Variants in SPACA9 observed in about 807,000 individuals in gnomAD.
SPACA9 encodes the protein sperm acrosome-associated protein 9.
A neutral mutation model predicts 12.5 loss-of-function variants in SPACA9; 14 were observed. The observed-to-expected ratio is 1.12, with a 90% CI of 0.74 to 1.75. The LOEUF (loss-of-function observed/expected upper bound fraction) is 1.75, where lower values mean the gene tolerates loss of function less well. SPACA9 is among the 40% of genes most tolerant of loss of function. The pLI is 0.00. For synonymous variants in SPACA9, 111 were observed against 114.1 expected, an observed-to-expected ratio of 0.97 and a Z score of 0.17; for missense variants, 292 against 291.9, an observed-to-expected ratio of 1.00 and a Z score of 0.00.
chr9:132,880,822 C>CTTT (rs900840677), intron 1 of SPACA9, among the ~76,000 whole-genome samples: 1 of 137,744 alleles, frequency 7.3e-6, no homozygotes. Context: ...GTGCAGCTAT[C>CTTT]TTTTTTTTTT....
chr9:132,878,666 C>T (rs1844273036), upstream of SPACA9: 25 of 999,614 alleles, frequency 2.5e-5, no homozygotes, highest in Non-Finnish European at 3.0e-5. This position sits in a 1 kb window ranked among gnomAD's most constrained non-coding sequence, Gnocchi z 4.7. Context: ...AAAACAGACG[C>T]GGGAATAAAT....
At chr9:132,882,958 T>G (rs898513256) in intron 1 of SPACA9, among the ~76,000 whole-genome samples, 1 of 152,246 alleles carries the variant, frequency 6.6e-6, no homozygotes, top group Middle Eastern at 3.4e-3. Context: ...CCATAGCAGC[T>G]CAAGGGAGCT....
At position 132,888,293 on chromosome 9, in the gene SPACA9, C is replaced by T; in HGVS notation, c.351C>T (p.Tyr117=). 6.2e-7 allele frequency: 1 copy of T among 1,606,116 alleles called. No homozygotes were observed. The highest frequency in any genetic ancestry group is 8.5e-7 in the Non-Finnish European group (1 of 1,174,992). ...SNDLSSLRAK[Y]PHDVVNHLSC... ...CTGGCCCCCTGCCGTCCTGCAGATACCCTCATGATGTGGTGAACCACCTCA... is the reference window on the plus strand; with the variant it reads ...CTGGCCCCCTGCCGTCCTGCAGATATCCTCATGATGTGGTGAACCACCTCA... Residue 117 remains tyrosine, a synonymous_variant, in exon 4 of 4, where the codon TAC becomes TAT. Coordinates refer to ENST00000356311, the MANE Select transcript of SPACA9 (RefSeq NM_001316897.2). The surrounding 1 kb of genome is among the most constrained non-coding windows in gnomAD (Gnocchi z 5.0).
chr9:132,879,657 G>A (rs1015069470), intron 1 of SPACA9, among the ~76,000 whole-genome samples: 5 of 152,366 alleles, frequency 3.3e-5, no homozygotes, highest in African/African-American at 9.6e-5. Context: ...AGAACAATGA[G>A]GAGTGGTTGG....
At chr9:132,885,784 A>C (rs1844548653) in intron 2 of SPACA9, among the ~76,000 whole-genome samples, 2 of 152,328 alleles carry the variant, frequency 1.3e-5, no homozygotes, top group Non-Finnish European at 2.9e-5. Context: ...TCCATGCATA[A>C]GGGAGTGGCC....
In SPACA9 at chr9:132,889,920, C is replaced by G. The variant is rs1370911405; in HGVS notation, c.*1309C>G. 7.5e-6 allele frequency: 11 copies of G among 1,464,278 alleles called. No individual in the cohort carries two copies. The highest frequency in any genetic ancestry group is 1.0e-5 in the Non-Finnish European group (11 of 1,099,392). 90.7% of individuals were successfully genotyped at this position (1,464,278 alleles called of 1,614,324 possible). A position where few individuals can be genotyped will look rare whatever the true frequency, so the allele number is the denominator to read the frequency against. ...TGTGTCCCTGGCTTCTGAGCTTGCC[C>G]AAAGTAATGTCTGACTGTTGGTTTT... On this transcript the variant is annotated 3_prime_UTR_variant, in exon 4 of 4. Coordinates refer to ENST00000356311, the MANE Select transcript of SPACA9 (RefSeq NM_001316897.2).
In SPACA9 at chr9:132,888,535, G is replaced by A. The variant is rs2131497093; in HGVS notation, c.593G>A (p.Arg198Lys). Residue 198 changes from arginine to lysine, a missense_variant, in exon 4 of 4, where the codon AGA becomes AAA. Coordinates refer to ENST00000356311, the MANE Select transcript of SPACA9 (RefSeq NM_001316897.2). The surrounding 1 kb of genome is among the most constrained non-coding windows in gnomAD (Gnocchi z 5.0). ...TQPRATKHKC[R>K]QLTKASLKPR... Reference sequence around the variant, plus strand: ...CCCAGGGCCACTAAACACAAGTGTAGACAGCTCACAAAAGCCAGCCTCAAA... The same window carrying A: ...CCCAGGGCCACTAAACACAAGTGTAAACAGCTCACAAAAGCCAGCCTCAAA... The A allele has an allele frequency of 1.3e-6, 2 of 1,563,364 alleles. No homozygotes were observed. The highest frequency in any genetic ancestry group is 2.3e-5 in the South Asian group (2 of 85,764).
chr9:132,880,117 C>T (rs957702437), intron 1 of SPACA9, among the ~76,000 whole-genome samples: 1 of 152,248 alleles, frequency 6.6e-6, no homozygotes, highest in African/African-American at 2.4e-5. Context: ...GTTTGTTTTG[C>T]TTCCTGGACA....
At chr9:132,885,413 T>C (rs1214782843) in intron 2 of SPACA9, among the ~76,000 whole-genome samples, 1 of 145,908 alleles carries the variant, frequency 6.9e-6, no homozygotes, top group Non-Finnish European at 1.5e-5. Flanking sequence ...CTCGGGAGGC[T>C]GAGGCATGAG....
rs769973425 is a variant in SPACA9 at position 132,888,297 on chromosome 9, C to T, written c.355C>T (p.His119Tyr). Residue 119 changes from histidine to tyrosine, a missense_variant, in exon 4 of 4, where the codon CAT (histidine) becomes TAT (tyrosine). Transcript: ENST00000356311. This position sits in a 1 kb window ranked among gnomAD's most constrained non-coding sequence, Gnocchi z 5.0. ...DLSSLRAKYP[H>Y]DVVNHLSCDE... ...CCCCCTGCCGTCCTGCAGATACCCT[C>T]ATGATGTGGTGAACCACCTCAGCTG... is the stretch of plus-strand genomic sequence containing the variant. The T allele has an allele frequency of 7.5e-6, 12 of 1,609,814 alleles. No homozygotes were observed. Among genetic ancestry groups the T allele is most frequent in the Non-Finnish European group, 8.5e-6 (10 of 1,177,620 alleles).
Position 132,888,647 on chromosome 9 carries a change from C to CT in SPACA9, c.*37dup. 1 of 1,488,416 alleles carries CT rather than the reference C, an allele frequency of 6.7e-7. No homozygotes were observed. Among genetic ancestry groups the CT allele is most frequent in the Non-Finnish European group, 8.9e-7 (1 of 1,118,754 alleles). The allele number at this position is 1,488,416 out of a possible 1,614,324, so 92.2% of individuals were successfully genotyped here. A position where few individuals can be genotyped will look rare whatever the true frequency, so the allele number is the denominator to read the frequency against. On this transcript the variant is annotated 3_prime_UTR_variant, in exon 4 of 4. Coordinates refer to ENST00000356311, the MANE Select transcript of SPACA9 (RefSeq NM_001316897.2). This position sits in a 1 kb window ranked among gnomAD's most constrained non-coding sequence, Gnocchi z 5.0. ...GGAGCTCCGTCGGCGGAGAGCTTTG[C>CT]TGTTTAATTTGGATTTTACTGGTTG... is the stretch of plus-strand genomic sequence containing the variant.
chr9:132,884,140 C>T, intron 2 of SPACA9, 49 bp downstream of exon 2: 1 of 1,589,654 alleles, frequency 6.3e-7, no homozygotes, highest in Non-Finnish European at 8.6e-7. Flanking sequence ...AGCCCAGTCC[C>T]CTCTCACAAA....
Position 132,883,562 on chromosome 9 carries a change from ATG to A in SPACA9, c.-37-342_-37-341del, listed in dbSNP as rs1203856099. Among the ~76,000 whole-genome samples the A allele has an allele frequency of 2.6e-5, 4 of 152,068 alleles. No individual in the cohort carries two copies. In the South Asian group the frequency reaches 8.3e-4, roughly 32 times the overall value. On this transcript the variant is annotated intron_variant, in intron 1 of 3. Coordinates refer to ENST00000356311, the MANE Select transcript of SPACA9 (RefSeq NM_001316897.2). Reference sequence around the variant, plus strand: ...TGTACCTGTATGTGTGTGCACATGCATGTGTGTGCGTGTGTGTGTGCGCGCGT... The same window carrying A: ...TGTACCTGTATGTGTGTGCACATGCATGTGTGCGTGTGTGTGTGCGCGCGT...
downstream of SPACA9, chr9:132,890,269 A>G: frequency 4.2e-6 from 1 of 236,952 alleles, no homozygotes; most frequent in East Asian, 7.9e-5. Context: ...CTAGTCAGAT[A>G]AGAAAACCTG....
upstream of SPACA9, chr9:132,878,659 A>C: frequency 2.0e-6 from 2 of 1,003,718 alleles, no homozygotes; most frequent in Non-Finnish European, 2.4e-6. This position sits in a 1 kb window ranked among gnomAD's most constrained non-coding sequence, Gnocchi z 4.7. Context: ...CATCTTTAAA[A>C]CAGACGCGGG....
At chr9:132,878,543 A>C, upstream of SPACA9, 1 of 1,168,826 alleles carries the variant, frequency 8.6e-7, no homozygotes, top group Admixed American at 4.7e-5. The surrounding 1 kb of genome is among the most constrained non-coding windows in gnomAD (Gnocchi z 4.7). Context: ...GAGACCCCCG[A>C]CGAAACCCAG....
At position 132,888,995 on chromosome 9, in the gene SPACA9, C is replaced by T. The variant is rs1844658021; in HGVS notation, c.*384C>T. The T allele has an allele frequency of 2.6e-6, 2 of 779,088 alleles. No individual in the cohort carries two copies. Among genetic ancestry groups the T allele is most frequent in the African/African-American group, 1.9e-5 (1 of 53,518 alleles). 48.3% of individuals were successfully genotyped at this position (779,088 alleles called of 1,614,324 possible). A position where few individuals can be genotyped will look rare whatever the true frequency, so the allele number is the denominator to read the frequency against. ...TGTTAGCCAGGATGGTCTCAATCTCCTGACCTCATGATCTACCCTCGTGAT... is the reference window on the plus strand; with the variant it reads ...TGTTAGCCAGGATGGTCTCAATCTCTTGACCTCATGATCTACCCTCGTGAT... On this transcript the variant is annotated 3_prime_UTR_variant, in exon 4 of 4. Coordinates refer to ENST00000356311, the MANE Select transcript of SPACA9 (RefSeq NM_001316897.2). This position sits in a 1 kb window ranked among gnomAD's most constrained non-coding sequence, Gnocchi z 5.0.
chr9:132,882,178 T>A (rs1844445974), intron 1 of SPACA9, among the ~76,000 whole-genome samples: 1 of 152,210 alleles, frequency 6.6e-6, no homozygotes, highest in African/African-American at 2.4e-5. Context: ...GTGCTGTGGC[T>A]CTGCTGCAGA....
At position 132,888,623 on chromosome 9, in the gene SPACA9, G is replaced by A. The variant is rs1185859676; in HGVS notation, c.*12G>A. Reference sequence around the variant, plus strand: ...GTGGGAAATTGTAACTCAGAGCCAGGAGCTCCGTCGGCGGAGAGCTTTGCT... The same window carrying A: ...GTGGGAAATTGTAACTCAGAGCCAGAAGCTCCGTCGGCGGAGAGCTTTGCT... On this transcript the variant is annotated 3_prime_UTR_variant, in exon 4 of 4. Transcript: ENST00000356311. This position sits in a 1 kb window ranked among gnomAD's most constrained non-coding sequence, Gnocchi z 5.0. 6.6e-7 allele frequency: 1 copy of A among 1,516,164 alleles called. No individual in the cohort carries two copies. Among genetic ancestry groups the A allele is most frequent in the South Asian group, 1.3e-5 (1 of 79,732 alleles). 93.9% of individuals were successfully genotyped at this position (1,516,164 alleles called of 1,614,324 possible).
Sources: gnomAD v4.1 joint callset for allele counts (sites outside exome capture counted in the v4.1 genomes callset) on GRCh38, gnomAD v4.1.1 for gene constraint, Gnocchi (gnomAD v3.1) non-coding constraint, MANE v1.5 for transcripts, NCBI Gene and HGNC (gene_info 2026-07-23, HGNC 2026-07-21) for gene names.